The following ASXL1 variants were observed in gnomAD, a reference collection of about 807,000 sequenced individuals.
ASXL1 encodes ASXL transcriptional regulator 1.
ASXL1 carries 65 observed loss-of-function variants against 89.1 expected under a neutral mutation model. The observed-to-expected ratio is 0.73, with a 90% confidence interval of 0.60 to 0.90. The LOEUF (loss-of-function observed/expected upper bound fraction) is 0.90, where lower values mean the gene tolerates loss of function less well. Ranked by LOEUF, ASXL1 falls within the 40% of genes least tolerant of loss-of-function variation. The probability of loss-of-function intolerance (pLI) is 0.00; values close to 1 mark genes in which losing one functional copy is unlikely to be tolerated. For synonymous variants in ASXL1, 739 were observed against 746.9 expected (o/e 0.99, Z 0.17); for missense variants, 1,786 against 1,942.9 (o/e 0.92, Z 1.52).
rs1450294910 is a variant in ASXL1, at chr20:32,438,881, C to T, written c.*1543C>T. 4.3e-6 allele frequency: 1 copy of T among 233,278 alleles called. No homozygotes were observed. Among genetic ancestry groups the T allele is most frequent in the Non-Finnish European group, 8.5e-6 (1 of 118,056 alleles). The allele number at this position is 233,278 out of a possible 1,614,324, so 14.5% of individuals were successfully genotyped here. A position where few individuals can be genotyped will look rare whatever the true frequency, so the allele number is the denominator to read the frequency against. Reference sequence around the variant, plus strand: ...AACATGTTTCCAGCAAGTAGATGCCCCTGTGTGTGTTTTCCCTTGCCTTGT... The same window carrying T: ...AACATGTTTCCAGCAAGTAGATGCCTCTGTGTGTGTTTTCCCTTGCCTTGT... On this transcript the variant is annotated 3_prime_UTR_variant, in exon 13 of 13. Transcript: ENST00000375687.
intron 4 of ASXL1, among the ~76,000 whole-genome samples, chr20:32,382,018 C>T (rs769918550): frequency 1.0e-3 from 151 of 143,940 alleles, no homozygotes; most frequent in Admixed American, 4.7e-3. Context: ...TGCAATGGCG[C>T]GATCTCAGCT....
intron 1 of ASXL1, 63 bp downstream of exon 1, chr20:32,358,895 C>A: frequency 7.1e-7 from 1 of 1,418,312 alleles, no homozygotes; most frequent in Non-Finnish European, 9.2e-7. Flanking sequence ...GCCGCGCACC[C>A]CCCCACTGGG....
chr20:32,401,867 T>C (rs1033870099), intron 4 of ASXL1, among the ~76,000 whole-genome samples: 15 of 152,018 alleles, frequency 9.9e-5, no homozygotes, highest in Non-Finnish European at 1.6e-4. Context: ...ACTATACATA[T>C]ACGCCTATGA....
intron 4 of ASXL1, among the ~76,000 whole-genome samples, chr20:32,380,572 C>T (rs935896170): frequency 2.0e-5 from 3 of 151,972 alleles, no homozygotes; most frequent in Non-Finnish European, 4.4e-5. Flanking sequence ...GGCAACATAG[C>T]GAAACTTTTG....
chr20:32,422,265 G>A (rs1451693926), intron 4 of ASXL1, among the ~76,000 whole-genome samples: 1 of 150,882 alleles, frequency 6.6e-6, no homozygotes, highest in Non-Finnish European at 1.5e-5. Context: ...ATCTTGATAT[G>A]CATTTGTTAG....
chr20:32,416,309 A>G (rs763638971), intron 4 of ASXL1, among the ~76,000 whole-genome samples: 4 of 152,066 alleles, frequency 2.6e-5, no homozygotes, highest in Non-Finnish European at 5.9e-5. Context: ...ACCAACTTCT[A>G]TTTTGCCATG....
At chr20:32,368,974 TGG>T (rs1353041164) in intron 3 of ASXL1, 39 bp from the exon 4 acceptor site, 1 of 1,530,916 alleles carries the variant, frequency 6.5e-7, no homozygotes, top group African/African-American at 1.4e-5. Context: ...AGTAGGCAGA[TGG>T]ATTGTATAAC....
At chr20:32,416,617 G>A (rs1388423148) in intron 4 of ASXL1, among the ~76,000 whole-genome samples, 1 of 152,138 alleles carries the variant, frequency 6.6e-6, no homozygotes, top group Non-Finnish European at 1.5e-5. Context: ...GTTTTTCACT[G>A]TTTTCTAATC....
chr20:32,368,989 TC>T (rs749544471), intron 3 of ASXL1, 25 bp from the exon 4 acceptor site: 2 of 1,559,798 alleles, frequency 1.3e-6, no homozygotes, highest in South Asian at 2.2e-5. Flanking sequence ...TGTATAACCC[TC>T]ATCCATTCTT....
intron 4 of ASXL1, among the ~76,000 whole-genome samples, chr20:32,424,512 G>A (rs1354868469): frequency 3.9e-5 from 6 of 152,188 alleles, no homozygotes; most frequent in Admixed American, 3.9e-4. Context: ...TCCATCCTGG[G>A]TGACAGAGCG....
At chr20:32,431,721 G>A (rs764549593) in intron 10 of ASXL1, 42 bp downstream of exon 10, 8 of 1,588,972 alleles carry the variant, frequency 5.0e-6, no homozygotes, top group Middle Eastern at 4.5e-4. Flanking sequence ...CGACGCACCT[G>A]TCGTGTGGTG....
rs1210996750 is a variant in ASXL1 at position 32,434,500 on chromosome 20, G to C, written c.1788G>C (p.Arg596=). Residue 596 remains arginine, a synonymous_variant, in exon 13 of 13, where the codon CGG becomes CGC. Transcript: ENST00000375687. ...AGCCCACTTACCAGATATGCCCCCGGATCATCCCCACCACGGAGTCCTCCT... is the reference window on the plus strand; with the variant it reads ...AGCCCACTTACCAGATATGCCCCCGCATCATCCCCACCACGGAGTCCTCCT... ...KGQPTYQICP[R]IIPTTESSCR... The C allele has an allele frequency of 6.2e-7, 1 of 1,614,062 alleles. No individual in the cohort carries two copies. The highest frequency in any genetic ancestry group is 1.1e-5 in the South Asian group (1 of 91,076).
chr20:32,432,134 G>A (rs2011535311), intron 10 of ASXL1, among the ~76,000 whole-genome samples: 1 of 152,180 alleles, frequency 6.6e-6, no homozygotes, highest in Admixed American at 6.5e-5. Flanking sequence ...TTTGCTAGCA[G>A]GACTCAGCAT....
chr20:32,433,193 G>GATATC, intron 11 of ASXL1, 91 bp from the exon 12 acceptor site: 1 of 1,581,728 alleles, frequency 6.3e-7, no homozygotes, highest in Non-Finnish European at 8.6e-7. Context: ...TTTGTTCTGA[G>GATATC]ATATCTGTGT....
chr20:32,416,618 T>C (rs1833534580), intron 4 of ASXL1, among the ~76,000 whole-genome samples: 1 of 152,242 alleles, frequency 6.6e-6, no homozygotes, highest in Non-Finnish European at 1.5e-5. Flanking sequence ...TTTTTCACTG[T>C]TTTCTAATCC....
chr20:32,378,350 G>A (rs778410971), intron 4 of ASXL1, among the ~76,000 whole-genome samples: 4 of 152,002 alleles, frequency 2.6e-5, no homozygotes, highest in Non-Finnish European at 5.9e-5. Flanking sequence ...AACCCATCAC[G>A]TGAGGTCAGG....
Position 32,439,273 on chromosome 20 carries a change from C to T in ASXL1, c.*1935C>T. ...AGGCTGCCCAGAGAAAGCACTGCTT[C>T]TGTATGTCTCTTGTGGTATTGGAAC... On this transcript the variant is annotated 3_prime_UTR_variant, in exon 13 of 13. Coordinates refer to ENST00000375687, the MANE Select transcript of ASXL1 (RefSeq NM_015338.6). The T allele has an allele frequency of 4.3e-6, 1 of 232,878 alleles. No homozygotes were observed. The highest frequency in any genetic ancestry group is 2.2e-5 in the African/African-American group (1 of 45,402). The allele number at this position is 232,878 out of a possible 1,614,324, so 14.4% of individuals were successfully genotyped here.
Position 32,368,221 on chromosome 20 carries a change from T to G in ASXL1, c.143+492T>G, listed in dbSNP as rs181702414. ...ATGCTAGTGCCAAACTCAGTTAATA[T>G]TAATAATGGTCATTTGTTGATATTT... is the stretch of plus-strand genomic sequence containing the variant. On this transcript the variant is annotated intron_variant, in intron 3 of 12. Transcript: ENST00000375687. 3.9e-5 allele frequency among the ~76,000 whole-genome samples: 6 copies of G among 152,296 alleles called. No homozygotes were observed. In the East Asian group the frequency reaches 1.2e-3, roughly 29 times the overall value.
chr20:32,358,932 G>A, intron 1 of ASXL1, 100 bp downstream of exon 1: 1 of 1,186,646 alleles, frequency 8.4e-7, no homozygotes, highest in Non-Finnish European at 1.1e-6. Flanking sequence ...CCTGCCCACC[G>A]CGGGAGGGGG....
Sources: gnomAD v4.1 joint callset for allele counts (sites outside exome capture counted in the v4.1 genomes callset) on GRCh38, gnomAD v4.1.1 for gene constraint, MANE v1.5 for transcripts, NCBI Gene and HGNC (gene_info 2026-07-23, HGNC 2026-07-21) for gene names.